Variants in LRRC2 observed in about 807,000 individuals in gnomAD.
The protein encoded by LRRC2 is leucine-rich repeat-containing protein 2.
Under a neutral mutation model 40.2 loss-of-function variants are expected in LRRC2, and 27 were observed. The observed-to-expected ratio is 0.67, with a 90% CI of 0.49 to 0.93. The LOEUF is 0.93. LRRC2 is among the 40% of genes least tolerant of loss of function. The pLI is 0.00. For synonymous variants in LRRC2, 147 were observed against 158.9 expected (o/e 0.92, Z 0.56); for missense variants, 402 against 439.6 (o/e 0.91, Z 0.76).
At chr3:46,563,794 C>T (rs1477974624) in intron 1 of LRRC2, among the ~76,000 whole-genome samples, 1 of 152,218 alleles carries the variant, frequency 6.6e-6, no homozygotes, top group African/African-American at 2.4e-5. Flanking sequence ...TTCAGCTGAG[C>T]AGGTCATACT....
chr3:46,554,535 C>T lies in LRRC2; in HGVS notation c.-19-2925G>A, dbSNP rs938837269. ...TGGTGCACACCTGTAGTCCCAGCTACTCGGGAGGCTGAGGCAGAATTGCTT... is the reference window on the plus strand; with the variant it reads ...TGGTGCACACCTGTAGTCCCAGCTATTCGGGAGGCTGAGGCAGAATTGCTT... On this transcript the variant is annotated intron_variant, in intron 1 of 8. Transcript: ENST00000395905. Among the ~76,000 whole-genome samples the T allele has an allele frequency of 4.6e-5, 7 of 151,740 alleles. No homozygotes were observed. In the Middle Eastern group the frequency reaches 0.01, roughly 221 times the overall value.
At chr3:46,551,836 T>G (rs1704663221) in intron 1 of LRRC2, among the ~76,000 whole-genome samples, 1 of 150,840 alleles carries the variant, frequency 6.6e-6, no homozygotes, top group South Asian at 2.1e-4. Flanking sequence ...TCTCACTCTG[T>G]TGCCCAGGCT....
At chr3:46,522,786 C>T (rs1703989262) in intron 7 of LRRC2, among the ~76,000 whole-genome samples, 1 of 151,606 alleles carries the variant, frequency 6.6e-6, no homozygotes, top group Admixed American at 6.6e-5. Context: ...CACACACACA[C>T]ACACACACAC....
chr3:46,551,409 C>T lies in LRRC2; in HGVS notation c.125+58G>A, dbSNP rs565073942. On this transcript the variant is annotated intron_variant, in intron 2 of 8. Coordinates refer to ENST00000395905, the MANE Select transcript of LRRC2 (RefSeq NM_024512.5). ...ATCCTCCTCCACAACGCAACTGTTGCCTGTCCAAATCCTTATTCACCAAAC... is the reference window on the plus strand; with the variant it reads ...ATCCTCCTCCACAACGCAACTGTTGTCTGTCCAAATCCTTATTCACCAAAC... 1.7e-5 allele frequency: 27 copies of T among 1,576,722 alleles called. No individual in the cohort carries two copies. The Admixed American group carries it at 1.9e-4, about 11-fold the overall frequency.
chr3:46,541,667 G>A (rs910601175), intron 3 of LRRC2, among the ~76,000 whole-genome samples: 23 of 152,096 alleles, frequency 1.5e-4, no homozygotes, highest in Admixed American at 9.8e-4. Flanking sequence ...CCAGAGACTC[G>A]GCAGTAGAAG....
intron 1 of LRRC2, among the ~76,000 whole-genome samples, chr3:46,554,606 C>T (rs1704745430): frequency 6.8e-6 from 1 of 148,016 alleles, no homozygotes; most frequent in Non-Finnish European, 1.5e-5. Flanking sequence ...CGTACCAGCG[C>T]ACTCCAGTCT....
rs776560870 is a variant in LRRC2 at position 46,539,130 on chromosome 3, G to T, written c.405C>A (p.Ile135=). The T allele has an allele frequency of 3.1e-6, 5 of 1,613,844 alleles. No homozygotes were observed. In the East Asian group the frequency reaches 6.7e-5, roughly 22 times the overall value. The change falls in exon 4 of 9, where the codon ATC becomes ATA. Residue 135 remains isoleucine (I), a synonymous_variant. Coordinates refer to ENST00000395905, the MANE Select transcript of LRRC2 (RefSeq NM_024512.5). ...GAAATAACTGAATATATGTAGGAAT[G>T]ATTTGAATCAAGGTATTGCTTATGT... is the stretch of plus-strand genomic sequence containing the variant. ...EWYISNTLIQ[I]IPTYIQLFQA...
At chr3:46,547,809 T>C (rs1368167888) in intron 2 of LRRC2, among the ~76,000 whole-genome samples, 1 of 152,142 alleles carries the variant, frequency 6.6e-6, no homozygotes, top group African/African-American at 2.4e-5. Flanking sequence ...GGAGAAGTTG[T>C]AGTGGCTTGG....
intron 3 of LRRC2, among the ~76,000 whole-genome samples, chr3:46,542,789 G>A (rs539643742): frequency 3.3e-5 from 5 of 152,196 alleles, no homozygotes; most frequent in Admixed American, 6.5e-5. Context: ...AGCAGGGTCC[G>A]GGGTCTGAGA....
chr3:46,541,826 T>C (rs1168600862), intron 3 of LRRC2, among the ~76,000 whole-genome samples: 3 of 152,116 alleles, frequency 2.0e-5, no homozygotes, highest in Admixed American at 2.0e-4. Flanking sequence ...GCTTATTCAC[T>C]GGAGGAGGTT....
At chr3:46,527,356 C>T in intron 7 of LRRC2, 70 bp downstream of exon 7, 3 of 1,534,444 alleles carry the variant, frequency 2.0e-6, no homozygotes, top group African/African-American at 2.7e-5. Context: ...GAGACAGCTG[C>T]CCAGGCTCTG....
Position 46,531,377 on chromosome 3 carries a change from G to T in LRRC2, c.628-1327C>A, listed in dbSNP as rs193089657. On this transcript the variant is annotated intron_variant, in intron 5 of 8. Coordinates refer to ENST00000395905, the MANE Select transcript of LRRC2 (RefSeq NM_024512.5). ...TAATGGGTGAGTCATATGGTATGTA[G>T]ATTACACTTTAATAAAGGAGGAAAA... Among the ~76,000 whole-genome samples, 344 of 152,182 alleles carry T rather than the reference G, an allele frequency of 2.3e-3. 1 individual carries two copies. Among genetic ancestry groups the T allele is most frequent in the Admixed American group, 3.8e-3 (58 of 15,286 alleles).
At chr3:46,560,934 T>C (rs550616870) in intron 1 of LRRC2, among the ~76,000 whole-genome samples, 1 of 152,206 alleles carries the variant, frequency 6.6e-6, no homozygotes, top group South Asian at 2.1e-4. Context: ...TGAGTGAAAA[T>C]GTTAACCATC....
chr3:46,545,227 G>T lies in LRRC2; in HGVS notation c.152C>A (p.Ala51Asp). The change falls in exon 3 of 9, where the codon GCC becomes GAC. Residue 51 changes from alanine (A) to aspartate (D), a missense_variant. Transcript: ENST00000395905. Reference sequence around the variant, plus strand: ...GGGGATGCCCTTCCTCCTGCATTCGGCCACAAAGTTCCACTCCTCCTTTAT... The same window carrying T: ...GGGGATGCCCTTCCTCCTGCATTCGTCCACAAAGTTCCACTCCTCCTTTAT... ...EKIKEEWNFV[A>D]ECRRKGIPQA... The T allele has an allele frequency of 6.2e-7, 1 of 1,614,044 alleles. No homozygotes were observed. Among genetic ancestry groups the T allele is most frequent in the Non-Finnish European group, 8.5e-7 (1 of 1,179,992 alleles).
intron 7 of LRRC2, among the ~76,000 whole-genome samples, chr3:46,522,097 G>A (rs1333474532): frequency 6.6e-6 from 1 of 152,138 alleles, no homozygotes; most frequent in African/African-American, 2.4e-5. Flanking sequence ...GGACATGGCT[G>A]GGCACAGTGG....
rs1350062989 is a variant in LRRC2 at position 46,527,474 on chromosome 3, T to A, written c.881A>T (p.His294Leu). ...AAGGGCAGTTGGGAGCTCCACCAAA[T>A]GGTCCCCACTGACGACTAACAGAGT... The part of the protein sequence containing the change: ...KLTLLVVSGD[H>L]LVELPTALCD... The change falls in exon 7 of 9, where the codon CAT (histidine) becomes CTT (leucine). Residue 294 changes from histidine (H) to leucine (L), a missense_variant. Physicochemically the swap from His to Leu is moderately conservative, Grantham distance 99 (BLOSUM62 -3). Transcript: ENST00000395905. 6.2e-7 allele frequency: 1 copy of A among 1,613,784 alleles called. No homozygotes were observed. Among genetic ancestry groups the A allele is most frequent in the East Asian group, 2.2e-5 (1 of 44,882 alleles).
At chr3:46,549,136 G>A (rs1453537219) in intron 2 of LRRC2, among the ~76,000 whole-genome samples, 1 of 152,136 alleles carries the variant, frequency 6.6e-6, no homozygotes, top group Non-Finnish European at 1.5e-5. Context: ...AACAACTACA[G>A]CATTACAGGA....
At chr3:46,548,449 A>G (rs908233114) in intron 2 of LRRC2, among the ~76,000 whole-genome samples, 1 of 152,244 alleles carries the variant, frequency 6.6e-6, no homozygotes, top group African/African-American at 2.4e-5. Flanking sequence ...ATTAAAATAA[A>G]TAAAATTCGT....
At chr3:46,531,439 G>A (rs1340033604) in intron 5 of LRRC2, among the ~76,000 whole-genome samples, 7 of 152,188 alleles carry the variant, frequency 4.6e-5, no homozygotes, top group Non-Finnish European at 7.3e-5. Context: ...CAGGGAGGCT[G>A]TTGCCCCATT....
Sources: gnomAD v4.1 joint callset for allele counts (sites outside exome capture counted in the v4.1 genomes callset) on GRCh38, gnomAD v4.1.1 for gene constraint, MANE v1.5 for transcripts, NCBI Gene and HGNC (gene_info 2026-07-23, HGNC 2026-07-21) for gene names.